WWOX: variants seen among roughly 807,000 people sequenced by gnomAD.
The protein encoded by WWOX is WW domain-containing oxidoreductase.
In WWOX, 69 loss-of-function variants were observed where a neutral mutation model predicts 46.2. That is an observed-to-expected ratio of 1.49 (90% confidence interval 1.23 to 1.82). The LOEUF (loss-of-function observed/expected upper bound fraction) is 1.82. Among genes scored for constraint, WWOX ranks in the 40% most tolerant of loss-of-function variants. The pLI is 0.00. For missense variants in WWOX, 919 were observed against 542.6 expected (o/e 1.69, Z -6.89); for synonymous variants, 359 against 202.6 (o/e 1.77, Z -6.56).
In WWOX at chr16:79,026,929, G is replaced by A. The variant is rs1413493651; in HGVS notation, c.1057-184679G>A. On this transcript the variant is annotated intron_variant, in intron 8 of 8. Transcript: ENST00000566780. ...CAGGTGTGAGCCACCACGCCTGGGC[G>A]GCACGTGGTAGACTCTTAATGAATT... Among the ~76,000 whole-genome samples the A allele has an allele frequency of 5.3e-5, 8 of 151,348 alleles. 1 individual carries two copies. Among genetic ancestry groups the A allele is most frequent in the South Asian group, 2.1e-4 (1 of 4,800 alleles).
chr16:78,422,684 T>TGTATATATATATATATATAC (rs2082963812), intron 6 of WWOX, among the ~76,000 whole-genome samples: 1 of 52,970 alleles, frequency 1.9e-5, no homozygotes, highest in South Asian at 7.0e-4. Flanking sequence ...TATATATATA[T>TGTATATATATATATATATAC]ACACACACAC....
intron 8 of WWOX, among the ~76,000 whole-genome samples, chr16:78,446,816 A>C (rs2083571327): frequency 6.6e-6 from 1 of 151,334 alleles, no homozygotes; most frequent in African/African-American, 2.4e-5. Flanking sequence ...ATGTGCTACT[A>C]CCCCCGGCAA....
At chr16:78,613,433 A>G (rs994312061) in intron 8 of WWOX, among the ~76,000 whole-genome samples, 4 of 152,136 alleles carry the variant, frequency 2.6e-5, no homozygotes, top group African/African-American at 7.2e-5. Context: ...ATTGGTGTCT[A>G]TGAGGGTCAT....
intron 8 of WWOX, among the ~76,000 whole-genome samples, chr16:79,171,284 C>G (rs1351277694): frequency 1.3e-5 from 2 of 152,280 alleles, no homozygotes; most frequent in South Asian, 4.1e-4. Flanking sequence ...CTGATAATGG[C>G]TTTCAATTAT....
intron 8 of WWOX, among the ~76,000 whole-genome samples, chr16:78,834,382 T>G (rs899230932): frequency 6.6e-6 from 1 of 152,182 alleles, no homozygotes; most frequent in African/African-American, 2.4e-5. Context: ...TGCGTGTGTC[T>G]CATAAATCGG....
At chr16:78,911,272 C>T (rs1002801403) in intron 8 of WWOX, among the ~76,000 whole-genome samples, 1 of 152,062 alleles carries the variant, frequency 6.6e-6, no homozygotes, top group Admixed American at 6.6e-5. Flanking sequence ...TTTGTCATAA[C>T]TACCTTGCTT....
At chr16:79,005,531 C>T (rs1567477469) in intron 8 of WWOX, among the ~76,000 whole-genome samples, 1 of 152,154 alleles carries the variant, frequency 6.6e-6, no homozygotes, top group African/African-American at 2.4e-5. Flanking sequence ...TGGGGGCGTC[C>T]TCTTTGCCTC....
chr16:79,203,607 G>T (rs1424544308), intron 8 of WWOX: 1 of 149,206 alleles, frequency 6.7e-6, no homozygotes, highest in East Asian at 2.1e-4. Flanking sequence ...CAGCTTGTTT[G>T]TGGTTCGTCC....
chr16:78,639,075 A>T (rs1320327571), intron 8 of WWOX, among the ~76,000 whole-genome samples: 4 of 152,274 alleles, frequency 2.6e-5, no homozygotes, highest in African/African-American at 7.2e-5. Context: ...GTGCTAGAAA[A>T]GCTGGGCCTA....
At chr16:78,881,799 T>C (rs2044348363) in intron 8 of WWOX, among the ~76,000 whole-genome samples, 1 of 152,220 alleles carries the variant, frequency 6.6e-6, no homozygotes, top group African/African-American at 2.4e-5. Flanking sequence ...ATAGTGATTT[T>C]ATGGATATAG....
chr16:79,126,372 T>C (rs1430738284), intron 8 of WWOX, among the ~76,000 whole-genome samples: 1 of 152,158 alleles, frequency 6.6e-6, no homozygotes, highest in Non-Finnish European at 1.5e-5. Context: ...TCCCCACGTG[T>C]CAAAGGAGGG....
intron 5 of WWOX, among the ~76,000 whole-genome samples, chr16:78,355,053 A>T (rs1567519712): frequency 2.0e-5 from 3 of 150,750 alleles, no homozygotes; most frequent in Non-Finnish European, 3.0e-5. Flanking sequence ...AACTGCTTGA[A>T]CCTGGGAGGT....
intron 5 of WWOX, among the ~76,000 whole-genome samples, chr16:78,239,870 T>A (rs955573892): frequency 5.9e-5 from 9 of 152,124 alleles, no homozygotes; most frequent in African/African-American, 1.7e-4. Flanking sequence ...TTTTCTTTTT[T>A]CCTCAAGACT....
intron 8 of WWOX, among the ~76,000 whole-genome samples, chr16:79,207,546 A>G (rs1362590515): frequency 6.6e-6 from 1 of 152,236 alleles, no homozygotes; most frequent in Non-Finnish European, 1.5e-5. Flanking sequence ...CCTGTAAGAA[A>G]GCAATCTTAG....
chr16:79,010,156 CCATGAAACAAGT>C (rs1259145205), intron 8 of WWOX, among the ~76,000 whole-genome samples: 6 of 152,170 alleles, frequency 3.9e-5, no homozygotes, highest in African/African-American at 1.4e-4. Flanking sequence ...AATAATCCAC[CCATGAAACAAGT>C]GTTTATTTAC....
intron 8 of WWOX, among the ~76,000 whole-genome samples, chr16:79,075,345 A>G (rs964611031): frequency 5.3e-5 from 8 of 152,196 alleles, no homozygotes; most frequent in Admixed American, 5.2e-4. Flanking sequence ...AAGGGAAAAA[A>G]AATCACTTAT....
chr16:78,900,068 TTTTTTTTTTTTC>T (rs1381098029), intron 8 of WWOX, among the ~76,000 whole-genome samples: 3 of 102,388 alleles, frequency 2.9e-5, no homozygotes, highest in Admixed American at 8.4e-5. Flanking sequence ...TTTTTTTTTT[TTTTTTTTTTTTC>T]CTGCAGAGAG....
intron 8 of WWOX, among the ~76,000 whole-genome samples, chr16:78,461,460 A>C (rs2083946874): frequency 6.6e-6 from 1 of 152,232 alleles, no homozygotes; most frequent in African/African-American, 2.4e-5. Context: ...CCAGCCAAAC[A>C]AGTGGAATGT....
intron 8 of WWOX, among the ~76,000 whole-genome samples, chr16:78,541,653 C>T (rs1451080112): frequency 6.6e-6 from 1 of 151,950 alleles, no homozygotes; most frequent in Non-Finnish European, 1.5e-5. Flanking sequence ...CCGCCTCTAT[C>T]ATGAATTGGC....
Sources: gnomAD v4.1 joint callset for allele counts (sites outside exome capture counted in the v4.1 genomes callset) on GRCh38, gnomAD v4.1.1 for gene constraint, MANE v1.5 for transcripts, NCBI Gene and HGNC (gene_info 2026-07-23, HGNC 2026-07-21) for gene names.